The following USP54 variants were observed in gnomAD, a reference collection of about 807,000 sequenced individuals.
USP54 encodes ubiquitin specific peptidase 54, also known as ubiquitin carboxyl-terminal hydrolase 54.
Under a neutral mutation model 170.5 loss-of-function variants are expected in USP54, and 87 were observed. The ratio of observed to expected loss-of-function variants is 0.51; its 90% CI spans 0.43 to 0.61. The LOEUF is 0.61. USP54 is among the 20% of genes least tolerant of loss of function. The pLI, the probability that USP54 is intolerant of heterozygous loss-of-function variation, is 0.00. For missense variants in USP54, 1,786 were observed against 2,047.8 expected (o/e 0.87, Z 2.47); for synonymous variants, 655 against 742.8 (o/e 0.88, Z 1.92).
intron 3 of USP54, among the ~76,000 whole-genome samples, chr10:73,574,992 C>T (rs2075897219): frequency 6.6e-6 from 1 of 151,974 alleles, no homozygotes; most frequent in Non-Finnish European, 1.5e-5. Context: ...TTTGGGAGGC[C>T]AAGGCAGGTG....
chr10:73,613,885 G>GAA (rs879778910), intron 1 of USP54: 9 of 131,776 alleles, frequency 6.8e-5, no homozygotes, highest in Non-Finnish European at 9.9e-5. Context: ...GTCTTGAAAA[G>GAA]AAAAAAAAAA....
intron 20 of USP54, among the ~76,000 whole-genome samples, chr10:73,514,056 A>T (rs541098792): frequency 1.3e-5 from 2 of 152,152 alleles, no homozygotes; most frequent in South Asian, 4.2e-4. Context: ...ACCTTGGGTG[A>T]TCCACCTGCC....
chr10:73,553,534 C>T (rs2070154907), intron 4 of USP54, among the ~76,000 whole-genome samples: 2 of 152,242 alleles, frequency 1.3e-5, no homozygotes, highest in South Asian at 4.1e-4. Flanking sequence ...CCCACCTTTC[C>T]CAGAGGGAGA....
chr10:73,582,206 C>G (rs2076976093), intron 1 of USP54, among the ~76,000 whole-genome samples: 1 of 152,004 alleles, frequency 6.6e-6, no homozygotes, highest in South Asian at 2.1e-4. Context: ...GCCTGGCGCC[C>G]TAAGAGACAG....
At chr10:73,570,006 T>G (rs922485015) in intron 4 of USP54, among the ~76,000 whole-genome samples, 1 of 143,204 alleles carries the variant, frequency 7.0e-6, no homozygotes, top group African/African-American at 2.6e-5. Context: ...CTAATATAAC[T>G]GGGAAAATCT....
At chr10:73,523,260 TGGC>T (rs1392159505) in intron 17 of USP54, among the ~76,000 whole-genome samples, 1 of 152,226 alleles carries the variant, frequency 6.6e-6, no homozygotes, top group East Asian at 1.9e-4. Context: ...ACTGTCAGTG[TGGC>T]TCACTGCCAT....
rs1473695815 is a variant in USP54, at chr10:73,571,527, G to T, written c.148-14C>A. ...GTGCCACAAAACCTGATGAGAAAAG[G>T]AAAATATTTCATTACTCTATAAAAA... On this transcript the variant is annotated splice_polypyrimidine_tract_variant and intron_variant, in intron 3 of 23. Coordinates refer to ENST00000687698, the MANE Select transcript of USP54 (RefSeq NM_001391956.1). 1 of 1,603,354 alleles carries T rather than the reference G, an allele frequency of 6.2e-7. No individual in the cohort carries two copies. The highest frequency in any genetic ancestry group is 8.5e-7 in the Non-Finnish European group (1 of 1,171,396).
chr10:73,505,488 G>A (rs993931535), intron 20 of USP54, 62 bp from the exon 21 acceptor site: 9 of 1,349,586 alleles, frequency 6.7e-6, no homozygotes, highest in Non-Finnish European at 9.4e-6. Flanking sequence ...TAACCTCTAA[G>A]CCTAGCAGCA....
At position 73,534,715 on chromosome 10, in the gene USP54, A is replaced by T; in HGVS notation, c.1200T>A (p.Tyr400Ter). Residue 400 changes from tyrosine (Y) to a stop codon, truncating the protein, a stop_gained, in exon 12 of 24, where the codon TAT becomes TAA. Transcript: ENST00000687698. LOFTEE classifies it high-confidence loss of function. ...ACTCATGGTGGGAATGTTTGTAGGG[A>T]TAGCTCTCCGTTGAGGAATCTGTTC... The part of the protein sequence containing the change: ...DTRTDSSTES[Y>*]PYKHSHHESV... The T allele has an allele frequency of 6.2e-7, 1 of 1,614,170 alleles. No homozygotes were observed. The highest frequency in any genetic ancestry group is 8.5e-7 in the Non-Finnish European group (1 of 1,180,012).
chr10:73,615,188 C>T (rs1253397208), intron 1 of USP54: 1 of 150,136 alleles, frequency 6.7e-6, no homozygotes, highest in African/African-American at 2.5e-5. Context: ...CCTGTCTCTA[C>T]TAAAAAATAC....
At chr10:73,583,014 A>G (rs990845599) in intron 1 of USP54, among the ~76,000 whole-genome samples, 3 of 152,234 alleles carry the variant, frequency 2.0e-5, no homozygotes, top group Admixed American at 1.3e-4. Flanking sequence ...ATTCTTGCCT[A>G]AACCATAATC....
At chr10:73,610,159 C>G (rs1242796873) in intron 1 of USP54, among the ~76,000 whole-genome samples, 1 of 152,082 alleles carries the variant, frequency 6.6e-6, no homozygotes, top group African/African-American at 2.4e-5. Context: ...GCCTGGGTGA[C>G]AGAACAAGGC....
intron 20 of USP54, among the ~76,000 whole-genome samples, chr10:73,507,547 G>A (rs996321992): frequency 2.0e-5 from 3 of 151,540 alleles, no homozygotes; most frequent in South Asian, 2.1e-4. Context: ...GGTGGCGGCC[G>A]CCTGTAATCC....
chr10:73,601,092 T>C (rs770699651), intron 1 of USP54, among the ~76,000 whole-genome samples: 1 of 152,198 alleles, frequency 6.6e-6, no homozygotes, highest in Non-Finnish European at 1.5e-5. Context: ...ATTTCATGTT[T>C]AAGAACCTTA....
chr10:73,519,502 A>G, intron 19 of USP54: 1 of 378,090 alleles, frequency 2.6e-6, no homozygotes, highest in Non-Finnish European at 5.0e-6. Context: ...TAAGAACATA[A>G]TATATACAAA....
At chr10:73,587,367 C>T (rs747008763) in intron 1 of USP54, among the ~76,000 whole-genome samples, 1 of 151,890 alleles carries the variant, frequency 6.6e-6, no homozygotes, top group African/African-American at 2.4e-5. Context: ...CCCAGCTACT[C>T]GGGAGGATGA....
At chr10:73,590,251 A>C (rs1003117077) in intron 1 of USP54, among the ~76,000 whole-genome samples, 3 of 152,210 alleles carry the variant, frequency 2.0e-5, no homozygotes, top group African/African-American at 7.2e-5. Context: ...AAGTAAATGC[A>C]AAGCACTTAG....
intron 4 of USP54, among the ~76,000 whole-genome samples, chr10:73,554,978 C>T (rs1033441886): frequency 2.0e-5 from 3 of 152,306 alleles, no homozygotes; most frequent in African/African-American, 7.2e-5. Flanking sequence ...TGGCATATGC[C>T]TGTAGTTTCA....
At chr10:73,505,044 T>A (rs1022382216) in intron 21 of USP54, 54 bp from the exon 22 acceptor site, 1 of 1,608,276 alleles carries the variant, frequency 6.2e-7, no homozygotes, top group African/African-American at 1.3e-5. Context: ...CTTATGGTTT[T>A]CCCACAGACA....
Sources: gnomAD v4.1 joint callset for allele counts (sites outside exome capture counted in the v4.1 genomes callset) on GRCh38, gnomAD v4.1.1 for gene constraint, MANE v1.5 for transcripts, NCBI Gene and HGNC (gene_info 2026-07-23, HGNC 2026-07-21) for gene names.